ZRANB1: variants seen among roughly 807,000 people sequenced by gnomAD.
ZRANB1 encodes the protein zinc finger RANBP2-type containing 1.
Under a neutral mutation model 80.5 loss-of-function variants are expected in ZRANB1, and 16 were observed. That is an observed-to-expected ratio of 0.20 (90% CI 0.13 to 0.30). ZRANB1 has a LOEUF of 0.30. Among genes scored for constraint, ZRANB1 ranks in the 10% least tolerant of loss-of-function variants. The pLI, the probability that ZRANB1 is intolerant of heterozygous loss-of-function variation, is 1.00. For synonymous variants in ZRANB1, 291 were observed against 293.1 expected (o/e 0.99, Z 0.07); for missense variants, 576 against 862.6 (o/e 0.67, Z 4.16).
At chr10:124,949,447 A>G (rs894322003) in intron 1 of ZRANB1, among the ~76,000 whole-genome samples, 12 of 77,860 alleles carry the variant, frequency 1.5e-4, no homozygotes, top group Admixed American at 9.6e-4. Flanking sequence ...TTACACACAT[A>G]TGTATATATA....
chr10:124,924,461 T>A, the ZRANB1 span, among the ~76,000 whole-genome samples: 6 of 152,100 alleles, frequency 3.9e-5, no homozygotes, highest in Admixed American at 1.3e-4. Context: ...AAAAAGAAAC[T>A]CTGTACTCAT....
intron 5 of ZRANB1, among the ~76,000 whole-genome samples, chr10:124,976,341 C>T (rs1951876064): frequency 1.3e-5 from 2 of 152,250 alleles, no homozygotes; most frequent in East Asian, 3.9e-4. Context: ...TGCTGATTTT[C>T]TTGACCACTG....
intron 5 of ZRANB1, among the ~76,000 whole-genome samples, chr10:124,976,780 C>T (rs1215007189): frequency 6.6e-6 from 1 of 151,896 alleles, no homozygotes; most frequent in Admixed American, 6.6e-5. Flanking sequence ...CCATGTTGCC[C>T]AGGCTGGTCT....
chr10:124,971,351 C>T lies in ZRANB1; in HGVS notation c.1003-614C>T, dbSNP rs1304581305. 3.3e-5 allele frequency among the ~76,000 whole-genome samples: 5 copies of T among 152,336 alleles called. No individual in the cohort carries two copies. In the South Asian group the frequency reaches 8.3e-4, roughly 25 times the overall value. On this transcript the variant is annotated intron_variant, in intron 2 of 8. Coordinates refer to ENST00000359653, the MANE Select transcript of ZRANB1 (RefSeq NM_017580.3). ...TTGCTTAGAGGCCTGTGCAGTAGTG[C>T]TCCCATCTCACTCCTGTCAGGCTGA...
chr10:124,920,737 C>A, the ZRANB1 span, among the ~76,000 whole-genome samples: 1 of 151,990 alleles, frequency 6.6e-6, no homozygotes, highest in Non-Finnish European at 1.5e-5. Flanking sequence ...TCTTCTCTTG[C>A]GTGAGACTTT....
chr10:124,968,404 T>TTATTTCATATAGTACAA (rs1365299788), intron 2 of ZRANB1, among the ~76,000 whole-genome samples: 1 of 152,208 alleles, frequency 6.6e-6, no homozygotes, highest in Non-Finnish European at 1.5e-5. Flanking sequence ...TTGTAGTAGC[T>TTATTTCATATAGTACAA]AACCCCTGTG....
the ZRANB1 span, among the ~76,000 whole-genome samples, chr10:124,932,313 G>A: frequency 2.2e-5 from 3 of 136,692 alleles, no homozygotes; most frequent in African/African-American, 5.6e-5. Flanking sequence ...TTTTTGAGAT[G>A]GAGTCTCACT....
intron 1 of ZRANB1, among the ~76,000 whole-genome samples, chr10:124,959,738 G>GT (rs957712916): frequency 6.6e-6 from 1 of 152,182 alleles, no homozygotes; most frequent in Non-Finnish European, 1.5e-5. Flanking sequence ...CAGATTACAG[G>GT]TGTGAGCCAC....
chr10:124,932,263 C>T, the ZRANB1 span, among the ~76,000 whole-genome samples: 3 of 151,386 alleles, frequency 2.0e-5, no homozygotes, highest in Admixed American at 6.6e-5. Flanking sequence ...AAAATTCCCA[C>T]ACTATACGGG....
At chr10:124,955,567 CT>C (rs1951682345) in intron 1 of ZRANB1, among the ~76,000 whole-genome samples, 1 of 152,226 alleles carries the variant, frequency 6.6e-6, no homozygotes, top group Non-Finnish European at 1.5e-5. Flanking sequence ...GCTATGAAGA[CT>C]GTGATCATTT....
chr10:124,968,569 G>C (rs911852581), intron 2 of ZRANB1, among the ~76,000 whole-genome samples: 1 of 152,204 alleles, frequency 6.6e-6, no homozygotes, highest in Non-Finnish European at 1.5e-5. Context: ...AGAAGAATTG[G>C]AGTTTTTCTA....
rs138923853 is a variant in ZRANB1, at chr10:124,949,884, G to C, written c.814+6577G>C. ...TATAGGGAATATGTGAATCAGTAAT[G>C]CCTCCCGGTGCTCTGAAGTTTTGGG... On this transcript the variant is annotated intron_variant, in intron 1 of 8. Transcript: ENST00000359653. Among the ~76,000 whole-genome samples the C allele has an allele frequency of 6.9e-4, 105 of 152,278 alleles. 1 individual carries two copies. The Middle Eastern group carries it at 0.017, about 25-fold the overall frequency.
the ZRANB1 span, among the ~76,000 whole-genome samples, chr10:124,923,638 A>T: frequency 7.9e-5 from 12 of 152,076 alleles, no homozygotes; most frequent in African/African-American, 2.9e-4. Context: ...ACTGACTAAC[A>T]GTTTCTCATG....
In ZRANB1 at chr10:124,985,795, A is replaced by G. The variant is rs780181786; in HGVS notation, c.*803A>G. The G allele has an allele frequency of 2.0e-5, 3 of 152,228 alleles. No individual in the cohort carries two copies. Among genetic ancestry groups the G allele is most frequent in the Non-Finnish European group, 2.9e-5 (2 of 68,038 alleles). 9.4% of individuals were successfully genotyped at this position (152,228 alleles called of 1,614,324 possible). Reference sequence around the variant, plus strand: ...TTTTTTCCTGGATGAAAAGGGAGCAAGCCCACTTGTCACTAAATGAATTGT... The same window carrying G: ...TTTTTTCCTGGATGAAAAGGGAGCAGGCCCACTTGTCACTAAATGAATTGT... On this transcript the variant is annotated 3_prime_UTR_variant, in exon 9 of 9. Coordinates refer to ENST00000359653, the MANE Select transcript of ZRANB1 (RefSeq NM_017580.3).
chr10:124,984,457 G>C (rs1181471050), intron 8 of ZRANB1: 5 of 273,316 alleles, frequency 1.8e-5, no homozygotes, highest in African/African-American at 2.2e-5. Flanking sequence ...AACTTACCTT[G>C]TCATGTGTTT....
At chr10:124,940,398 C>A, upstream of ZRANB1, 2 of 740,708 alleles carry the variant, frequency 2.7e-6, no homozygotes, top group Non-Finnish European at 3.9e-6. Flanking sequence ...TCAGACAGAA[C>A]CACTTATCAC....
At chr10:124,966,504 C>T (rs1288573417) in intron 1 of ZRANB1, 90 bp from the exon 2 acceptor site, 4 of 1,285,530 alleles carry the variant, frequency 3.1e-6, no homozygotes, top group African/African-American at 1.5e-5. Context: ...CACAGAGAAA[C>T]ACTTAAAAGA....
intron 2 of ZRANB1, among the ~76,000 whole-genome samples, chr10:124,970,271 T>C: frequency 6.6e-6 from 1 of 152,276 alleles, no homozygotes; most frequent in East Asian, 1.9e-4. Context: ...AATTTTTTAT[T>C]TTTTTCTTTT....
the ZRANB1 span, among the ~76,000 whole-genome samples, chr10:124,917,436 G>C: frequency 1.3e-5 from 2 of 151,586 alleles, no homozygotes; most frequent in African/African-American, 4.8e-5. Context: ...CGCTGTCGGC[G>C]CTTCCATCTT....
Sources: gnomAD v4.1 joint callset for allele counts (sites outside exome capture counted in the v4.1 genomes callset) on GRCh38, gnomAD v4.1.1 for gene constraint, MANE v1.5 for transcripts, NCBI Gene and HGNC (gene_info 2026-07-23, HGNC 2026-07-21) for gene names.